STAB2: variants seen among roughly 807,000 people sequenced by gnomAD.
The protein encoded by STAB2 is stabilin-2.
A neutral mutation model predicts 338.1 loss-of-function variants in STAB2; 288 were observed. The ratio of observed to expected loss-of-function variants is 0.85; its 90% CI spans 0.77 to 0.94. The LOEUF is 0.94. Ranked by LOEUF, STAB2 falls within the 40% of genes least tolerant of loss-of-function variation. The pLI, the probability that STAB2 is intolerant of heterozygous loss-of-function variation, is 0.00. For missense variants in STAB2, 3,141 were observed against 3,210.1 expected (o/e 0.98, Z 0.52); for synonymous variants, 1,202 against 1,193.3 (o/e 1.01, Z -0.15).
In STAB2 at chr12:103,703,030, T is replaced by A. The variant is rs964429528; in HGVS notation, c.3715-118T>A. ...TTCCAATACAAGTGACTATTATATC[T>A]CCAGGTGAATATTGTAATATCTCCT... On this transcript the variant is annotated intron_variant, in intron 34 of 68. Coordinates refer to ENST00000388887, the MANE Select transcript of STAB2 (RefSeq NM_017564.10). 5 of 1,166,990 alleles carry A rather than the reference T, an allele frequency of 4.3e-6. No individual in the cohort carries two copies. The African/African-American group carries it at 6.2e-5, about 15-fold the overall frequency. The allele number at this position is 1,166,990 out of a possible 1,614,324, so 72.3% of individuals were successfully genotyped here.
chr12:103,655,375 C>T, intron 14 of STAB2, 68 bp downstream of exon 14: 1 of 1,601,612 alleles, frequency 6.2e-7, no homozygotes, highest in South Asian at 1.1e-5. Flanking sequence ...GCAGGGGTGT[C>T]AATTATAAAT....
chr12:103,754,595 G>T (rs756584859), intron 61 of STAB2, among the ~76,000 whole-genome samples: 5 of 152,134 alleles, frequency 3.3e-5, no homozygotes, highest in African/African-American at 7.2e-5. Flanking sequence ...TGGTGGTGAT[G>T]ATGGGGAGGA....
intron 5 of STAB2, among the ~76,000 whole-genome samples, chr12:103,630,971 G>C (rs932781946): frequency 2.0e-5 from 3 of 152,226 alleles, no homozygotes; most frequent in African/African-American, 7.2e-5. Flanking sequence ...GCTGGCCATA[G>C]GATGACAATG....
chr12:103,644,340 A>C (rs1265941171), intron 9 of STAB2, among the ~76,000 whole-genome samples: 15 of 147,970 alleles, frequency 1.0e-4, no homozygotes, highest in Admixed American at 3.4e-4. Flanking sequence ...GCAGCATGCT[A>C]GTTAAGAGTC....
chr12:103,695,957 C>T, intron 33 of STAB2, 113 bp downstream of exon 33: 3 of 1,003,992 alleles, frequency 3.0e-6, no homozygotes, highest in Non-Finnish European at 3.0e-6. Context: ...TCCATAGCCA[C>T]ATACTTGACG....
Position 103,755,402 on chromosome 12 carries a change from T to C in STAB2, c.6815T>C (p.Ile2272Thr). The stretch of plus-strand genomic sequence containing the variant: ...AACTGTGGCTCTGGTGTGGTTGGGA[T>C]AGTGGACTATGGACCTAGACCCAAC... Reference protein sequence around the residue: ...SQNCGSGVVGIVDYGPRPNKS... With the variant: ...SQNCGSGVVGTVDYGPRPNKS... Residue 2272 changes from isoleucine (I) to threonine (T), a missense_variant, in exon 62 of 69, where the codon ATA (isoleucine) becomes ACA (threonine). Coordinates refer to ENST00000388887, the MANE Select transcript of STAB2 (RefSeq NM_017564.10). 1 of 1,614,126 alleles carries C rather than the reference T, an allele frequency of 6.2e-7. No individual in the cohort carries two copies. Among genetic ancestry groups the C allele is most frequent in the Middle Eastern group, 1.6e-4 (1 of 6,062 alleles).
At chr12:103,638,242 T>C (rs775991067) in intron 8 of STAB2, 30 bp downstream of exon 8, 1 of 1,571,624 alleles carries the variant, frequency 6.4e-7, no homozygotes, top group Admixed American at 1.8e-5. Flanking sequence ...AACTGATGTA[T>C]CTAGAAGTTT....
chr12:103,748,864 C>G (rs1288679574), intron 58 of STAB2, 99 bp from the exon 59 acceptor site: 3 of 1,292,982 alleles, frequency 2.3e-6, no homozygotes. Flanking sequence ...CCCATTTACT[C>G]ACCCAACACC....
intron 25 of STAB2, 21 bp downstream of exon 25, chr12:103,677,632 G>C (rs1311680294): frequency 6.3e-7 from 1 of 1,597,214 alleles, no homozygotes; most frequent in Non-Finnish European, 8.6e-7. Flanking sequence ...TGTCATGAGA[G>C]CAAAGAGAAA....
At chr12:103,727,187 T>C in intron 46 of STAB2, 80 bp from the exon 47 acceptor site, 1 of 1,468,510 alleles carries the variant, frequency 6.8e-7, no homozygotes, top group Middle Eastern at 1.7e-4. Context: ...CCAGGTGCCA[T>C]CATCTCTGGT....
chr12:103,703,085 T>C, intron 34 of STAB2, 63 bp from the exon 35 acceptor site: 1 of 1,560,748 alleles, frequency 6.4e-7, no homozygotes. Context: ...AACCTCCACT[T>C]CCTATCTTTT....
intron 60 of STAB2, 44 bp from the exon 61 acceptor site, chr12:103,753,176 A>G (rs766575400): frequency 6.2e-7 from 1 of 1,607,530 alleles, no homozygotes; most frequent in Non-Finnish European, 8.5e-7. Context: ...AACACTGCCA[A>G]CCTGGTGGGC....
At chr12:103,689,696 A>T in intron 28 of STAB2, 150 bp from the exon 29 acceptor site, 1 of 907,932 alleles carries the variant, frequency 1.1e-6, no homozygotes, top group Non-Finnish European at 1.6e-6. Context: ...AAAATGAGGC[A>T]ACAGCCAGTG....
At chr12:103,694,175 G>A (rs535938636) in intron 31 of STAB2, among the ~76,000 whole-genome samples, 3 of 152,108 alleles carry the variant, frequency 2.0e-5, no homozygotes, top group African/African-American at 4.8e-5. Flanking sequence ...CTAAATCCCA[G>A]CCCACTTCAC....
At chr12:103,646,599 AATT>A (rs1873356201) in intron 9 of STAB2, among the ~76,000 whole-genome samples, 1 of 152,270 alleles carries the variant, frequency 6.6e-6, no homozygotes, top group African/African-American at 2.4e-5. Context: ...ATGTTGCTAT[AATT>A]ATTTTGTTTT....
intron 19 of STAB2, among the ~76,000 whole-genome samples, chr12:103,666,902 G>T (rs1410016809): frequency 1.3e-5 from 2 of 152,192 alleles, no homozygotes; most frequent in Non-Finnish European, 2.9e-5. Context: ...TGCTTCCAGA[G>T]GCATGAGGAT....
At chr12:103,723,956 G>C (rs1336201127) in intron 44 of STAB2, among the ~76,000 whole-genome samples, 1 of 148,750 alleles carries the variant, frequency 6.7e-6, no homozygotes, top group Non-Finnish European at 1.5e-5. Flanking sequence ...GCTCTCAGGA[G>C]CAGTCAGTGC....
At chr12:103,632,112 T>G (rs1331330265) in intron 6 of STAB2, among the ~76,000 whole-genome samples, 1 of 152,164 alleles carries the variant, frequency 6.6e-6, no homozygotes, top group Non-Finnish European at 1.5e-5. Context: ...GAAAGGGTGC[T>G]TCACCAACGC....
chr12:103,620,648 C>CGT, intron 4 of STAB2, 95 bp downstream of exon 4: 6 of 980,296 alleles, frequency 6.1e-6, no homozygotes, highest in Non-Finnish European at 9.3e-6. Flanking sequence ...CACACACACA[C>CGT]ACACACGTGC....
Sources: allele counts gnomAD v4.1 joint callset (sites outside exome capture counted in the v4.1 genomes callset), GRCh38; gene constraint gnomAD v4.1.1; transcripts MANE v1.5; gene names NCBI Gene and HGNC (gene_info 2026-07-23, HGNC 2026-07-21).